NPR1: variants seen among roughly 807,000 people sequenced by gnomAD.
NPR1 encodes atrial natriuretic peptide receptor 1.
NPR1 carries 57 observed loss-of-function variants against 116.9 expected under a neutral mutation model. The observed-to-expected ratio is 0.49, with a 90% CI of 0.39 to 0.61. The LOEUF is 0.61. NPR1 is among the 20% of genes least tolerant of loss of function. The pLI is 0.00. For synonymous variants in NPR1, 555 were observed against 601.6 expected (o/e 0.92, Z 1.13); for missense variants, 1,096 against 1,409.8 (o/e 0.78, Z 3.56).
At chr1:153,680,954 C>G in intron 2 of NPR1, 3 of 596,016 alleles carry the variant, frequency 5.0e-6, no homozygotes, top group Non-Finnish European at 8.9e-6. Context: ...GGGCTTGAGG[C>G]GGGAGGAGGA....
At chr1:153,688,679 C>A (rs1368173720) in intron 15 of NPR1, 2 of 509,520 alleles carry the variant, frequency 3.9e-6, no homozygotes, top group Non-Finnish European at 7.0e-6. Flanking sequence ...TCATTCTCCA[C>A]CTCCTTTACC....
Position 153,683,816 on chromosome 1 carries a change from C to T in NPR1, c.1476C>T (p.Phe492=). The T allele has an allele frequency of 1.9e-6, 3 of 1,613,676 alleles. No individual in the cohort carries two copies. The highest frequency in any genetic ancestry group is 2.5e-6 in the Non-Finnish European group (3 of 1,179,932). ...TCGGCATTCTGATTGTCTCCTTCTT[C>T]ATATACAGGTGAGCTGTGATGTGGG... ...SLLGILIVSF[F]IYRKMQLEKE... The change falls in exon 7 of 22, where the codon TTC becomes TTT. Residue 492 remains phenylalanine (F), a synonymous_variant. Transcript: ENST00000368680.
At position 153,679,688 on chromosome 1, in the gene NPR1, G is replaced by C; in HGVS notation, c.580G>C (p.Glu194Gln). The C allele has an allele frequency of 1.9e-6, 3 of 1,609,676 alleles. No homozygotes were observed. The highest frequency in any genetic ancestry group is 1.7e-6 in the Non-Finnish European group (2 of 1,179,330). Residue 194 changes from glutamate to glutamine, a missense_variant, in exon 1 of 22, where the codon GAG (glutamate) becomes CAG (glutamine). Coordinates refer to ENST00000368680, the MANE Select transcript of NPR1 (RefSeq NM_000906.4). The surrounding 1 kb of genome is among the most constrained non-coding windows in gnomAD (Gnocchi z 4.2). ...MLYAYRPGDE[E>Q]HCFFLVEGLF... ...CTACGCCTACCGGCCGGGTGACGAAGAGCACTGCTTCTTCCTCGTGGAGGG... is the reference window on the plus strand; with the variant it reads ...CTACGCCTACCGGCCGGGTGACGAACAGCACTGCTTCTTCCTCGTGGAGGG...
chr1:153,686,932 G>C, intron 11 of NPR1, 84 bp from the exon 12 acceptor site: 1 of 1,453,862 alleles, frequency 6.9e-7, no homozygotes, highest in Non-Finnish European at 9.6e-7. Context: ...TGTTCTACCA[G>C]TTCACATCAG....
At position 153,680,720 on chromosome 1, in the gene NPR1, G is replaced by A. The variant is rs759904929; in HGVS notation, c.921+20G>A. ...TTTCAGGTGAGTACCTAGGTTTGAA[G>A]CCCAGGCTGTCTCAGCTTGTGGCAC... On this transcript the variant is annotated intron_variant, in intron 2 of 21. Transcript: ENST00000368680. The A allele has an allele frequency of 2.3e-5, 37 of 1,592,432 alleles. No individual in the cohort carries two copies. In the South Asian group the frequency reaches 3.9e-4, roughly 17 times the overall value.
rs963246282 is a variant in NPR1 at position 153,678,975 on chromosome 1, G to C, written c.-134G>C. On this transcript the variant is annotated 5_prime_UTR_variant, in exon 1 of 22. Coordinates refer to ENST00000368680, the MANE Select transcript of NPR1 (RefSeq NM_000906.4). This position sits in a 1 kb window ranked among gnomAD's most constrained non-coding sequence, Gnocchi z 5.8. ...GCAGCTACAGGGGGCCTCGAGCCCCGGGGTGAGCGTCCCCGTCCCGCTCCT... is the reference window on the plus strand; with the variant it reads ...GCAGCTACAGGGGGCCTCGAGCCCCCGGGTGAGCGTCCCCGTCCCGCTCCT... 5 of 1,180,232 alleles carry C rather than the reference G, an allele frequency of 4.2e-6. No homozygotes were observed. Among genetic ancestry groups the C allele is most frequent in the South Asian group, 2.1e-5 (1 of 48,304 alleles). 73.1% of individuals were successfully genotyped at this position (1,180,232 alleles called of 1,614,324 possible). A position where few individuals can be genotyped will look rare whatever the true frequency, so the allele number is the denominator to read the frequency against.
intron 19 of NPR1, 143 bp from the exon 20 acceptor site, chr1:153,690,141 T>TCTCACA (rs1553231949): frequency 1.5e-4 from 54 of 363,234 alleles, no homozygotes; most frequent in South Asian, 3.3e-4. Flanking sequence ...TCTCTCTCTC[T>TCTCACA]CACACACACA....
rs2101734997 is a variant in NPR1 at position 153,686,639 on chromosome 1, C to T, written c.1759-7C>T. 1.2e-6 allele frequency: 2 copies of T among 1,612,018 alleles called. No homozygotes were observed. Among genetic ancestry groups the T allele is most frequent in the South Asian group, 2.2e-5 (2 of 90,866 alleles). On this transcript the variant is annotated splice_region_variant and splice_polypyrimidine_tract_variant and intron_variant, in intron 10 of 21. Coordinates refer to ENST00000368680, the MANE Select transcript of NPR1 (RefSeq NM_000906.4). The stretch of plus-strand genomic sequence containing the variant: ...TGTCAAGCTCCTGATGCTGGTCCCA[C>T]TTGCAGATGCGGGATGTGCAGAATG...
intron 2 of NPR1, 56 bp from the exon 3 acceptor site, chr1:153,681,124 A>G: frequency 8.9e-7 from 1 of 1,117,946 alleles, no homozygotes; most frequent in Non-Finnish European, 1.4e-6. Flanking sequence ...GGGGCCCCAC[A>G]GTACTAGGGA....
In NPR1 at chr1:153,688,104, T is replaced by G. The variant is rs1259073087; in HGVS notation, c.2300T>G (p.Leu767Arg). ...RGEQPPFRPS[L>R]ALQSHLEELG... ...GAGCAGCCCCCCTTCCGGCCCTCCC[T>G]GGCCCTGCAGAGTCACCTGGAGGAG... Residue 767 changes from leucine to arginine, a missense_variant, in exon 15 of 22, where the codon CTG becomes CGG. Leu to Arg is a moderately radical substitution (Grantham distance 102, BLOSUM62 -2). Coordinates refer to ENST00000368680, the MANE Select transcript of NPR1 (RefSeq NM_000906.4). 3 of 1,613,450 alleles carry G rather than the reference T, an allele frequency of 1.9e-6. No homozygotes were observed. The South Asian group carries it at 3.3e-5, about 18-fold the overall frequency.
chr1:153,690,492 C>A, intron 20 of NPR1, 110 bp downstream of exon 20: 1 of 703,208 alleles, frequency 1.4e-6, no homozygotes, highest in Non-Finnish European at 2.4e-6. Context: ...GCCCTTTCGC[C>A]TCCCAAGTTC....
Position 153,679,298 on chromosome 1 carries a change from G to A in NPR1, c.190G>A (p.Ala64Thr). Residue 64 changes from alanine to threonine, a missense_variant, in exon 1 of 22, where the codon GCC becomes ACC. Physicochemically the swap from Ala to Thr is moderately conservative, Grantham distance 58. Coordinates refer to ENST00000368680, the MANE Select transcript of NPR1 (RefSeq NM_000906.4). This position sits in a 1 kb window ranked among gnomAD's most constrained non-coding sequence, Gnocchi z 4.2. ...RVGPAVELAL[A>T]QVKARPDLLP... is the part of the protein sequence containing the mutation. ...GGGACCCGCCGTGGAGCTGGCCCTG[G>A]CCCAGGTGAAGGCGCGCCCCGACTT... is the stretch of plus-strand genomic sequence containing the variant. The A allele has an allele frequency of 6.5e-7, 1 of 1,531,558 alleles. No individual in the cohort carries two copies. Among genetic ancestry groups the A allele is most frequent in the Non-Finnish European group, 8.7e-7 (1 of 1,144,838 alleles). The allele number at this position is 1,531,558 out of a possible 1,614,324, so 94.9% of individuals were successfully genotyped here. A position where few individuals can be genotyped will look rare whatever the true frequency, so the allele number is the denominator to read the frequency against.
Position 153,690,315 on chromosome 1 carries a change from G to A in NPR1, c.2964G>A (p.Lys988=), listed in dbSNP as rs1169701576. The A allele has an allele frequency of 2.6e-6, 4 of 1,560,640 alleles. No individual in the cohort carries two copies. The highest frequency in any genetic ancestry group is 3.5e-6 in the Non-Finnish European group (4 of 1,151,070). Reference sequence around the variant, plus strand: ...TGTGTGCTGGAGTGGTGGGACTGAAGATGCCCCGTTACTGTCTCTTTGGGG... The same window carrying A: ...TGTGTGCTGGAGTGGTGGGACTGAAAATGCCCCGTTACTGTCTCTTTGGGG... ...GPVCAGVVGL[K]MPRYCLFGDT... The change falls in exon 20 of 22, where the codon AAG becomes AAA. Residue 988 remains lysine, a synonymous_variant. Coordinates refer to ENST00000368680, the MANE Select transcript of NPR1 (RefSeq NM_000906.4).
chr1:153,685,295 A>G (rs1306295187), intron 8 of NPR1, among the ~76,000 whole-genome samples: 67 of 152,094 alleles, frequency 4.4e-4, no homozygotes, highest in Non-Finnish European at 1.8e-4. Flanking sequence ...TTTAAAGGTC[A>G]GAGGAGATAG....
rs372223343 is a variant in NPR1, at chr1:153,686,606, G to A, written c.1759-40G>A. 257 of 1,533,260 alleles carry A rather than the reference G, an allele frequency of 1.7e-4. 1 individual carries two copies. The highest frequency in any genetic ancestry group is 1.0e-3 in the South Asian group (90 of 88,056). The allele number at this position is 1,533,260 out of a possible 1,614,324, so 95.0% of individuals were successfully genotyped here. A position where few individuals can be genotyped will look rare whatever the true frequency, so the allele number is the denominator to read the frequency against. ...GCTAGTGAGCAGCTTGGTGAGGAGC[G>A]AGGTCTCTGTCAAGCTCCTGATGCT... On this transcript the variant is annotated intron_variant, in intron 10 of 21. Coordinates refer to ENST00000368680, the MANE Select transcript of NPR1 (RefSeq NM_000906.4).
chr1:153,679,079 C>G lies in NPR1; in HGVS notation c.-30C>G. ...GGGACCGAGGAGGCCATGGTAGGAG[C>G]GCTCGCCTGCTGCGGTGCCCGCTGA... On this transcript the variant is annotated 5_prime_UTR_variant, in exon 1 of 22. Coordinates refer to ENST00000368680, the MANE Select transcript of NPR1 (RefSeq NM_000906.4). The surrounding 1 kb of genome is among the most constrained non-coding windows in gnomAD (Gnocchi z 4.2). The G allele has an allele frequency of 7.8e-6, 11 of 1,401,576 alleles. No homozygotes were observed. Among genetic ancestry groups the G allele is most frequent in the Non-Finnish European group, 9.2e-6 (10 of 1,089,752 alleles). 86.8% of individuals were successfully genotyped at this position (1,401,576 alleles called of 1,614,324 possible).
chr1:153,678,899 C>A lies in NPR1; in HGVS notation c.-210C>A. ...CCTGGCACCCACCTGCTCCGCGGCG[C>A]CCTGCGCGCCCCCCTCGGTCGCGCC... On this transcript the variant is annotated 5_prime_UTR_variant, in exon 1 of 22. Coordinates refer to ENST00000368680, the MANE Select transcript of NPR1 (RefSeq NM_000906.4). The surrounding 1 kb of genome is among the most constrained non-coding windows in gnomAD (Gnocchi z 5.8). 1 of 586,360 alleles carries A rather than the reference C, an allele frequency of 1.7e-6. No homozygotes were observed. Among genetic ancestry groups the A allele is most frequent in the Non-Finnish European group, 2.7e-6 (1 of 369,310 alleles). 36.3% of individuals were successfully genotyped at this position (586,360 alleles called of 1,614,324 possible).
In NPR1 at chr1:153,685,790, C is replaced by T. The variant is rs201868148; in HGVS notation, c.1606-16C>T. 75 of 1,611,056 alleles carry T rather than the reference C, an allele frequency of 4.7e-5. No homozygotes were observed. In the African/African-American group the frequency reaches 9.5e-4, roughly 20 times the overall value. On this transcript the variant is annotated splice_polypyrimidine_tract_variant and intron_variant, in intron 8 of 21. Coordinates refer to ENST00000368680, the MANE Select transcript of NPR1 (RefSeq NM_000906.4). ...GCCCACCGGCTGACCATTCCTCCTG[C>T]TCTCCCTCCTTTCAGAGAGGCTCCA...
rs1298064414 is a variant in NPR1 at position 153,679,693 on chromosome 1, C to G, written c.585C>G (p.His195Gln). Residue 195 changes from histidine (H) to glutamine (Q), a missense_variant, in exon 1 of 22, where the codon CAC becomes CAG. Transcript: ENST00000368680. The surrounding 1 kb of genome is among the most constrained non-coding windows in gnomAD (Gnocchi z 4.2). ...CCTACCGGCCGGGTGACGAAGAGCA[C>G]TGCTTCTTCCTCGTGGAGGGGCTGT... ...LYAYRPGDEE[H>Q]CFFLVEGLFM... 6.2e-7 allele frequency: 1 copy of G among 1,609,632 alleles called. No homozygotes were observed. Among genetic ancestry groups the G allele is most frequent in the Non-Finnish European group, 8.5e-7 (1 of 1,179,316 alleles).
Sources: gnomAD v4.1 joint callset for allele counts (sites outside exome capture counted in the v4.1 genomes callset) on GRCh38, gnomAD v4.1.1 for gene constraint, Gnocchi (gnomAD v3.1) non-coding constraint, MANE v1.5 for transcripts, NCBI Gene and HGNC (gene_info 2026-07-23, HGNC 2026-07-21) for gene names.